Variants in PCDHGA9 observed in about 807,000 individuals in gnomAD.
PCDHGA9 encodes the protein protocadherin gamma subfamily A, 9.
A neutral mutation model predicts 62.5 loss-of-function variants in PCDHGA9; 37 were observed. That is an observed-to-expected ratio of 0.59 (90% CI 0.46 to 0.78). PCDHGA9 has a LOEUF of 0.78. Among genes scored for constraint, PCDHGA9 ranks in the 30% least tolerant of loss-of-function variants. The pLI is 0.00. For synonymous variants in PCDHGA9, 459 were observed against 484.6 expected (o/e 0.95, Z 0.69); for missense variants, 1,138 against 1,166.2 (o/e 0.98, Z 0.35).
intron 1 of PCDHGA9, among the ~76,000 whole-genome samples, chr5:141,492,869 A>G (rs975868829): frequency 6.6e-6 from 1 of 152,010 alleles, no homozygotes; most frequent in African/African-American, 2.4e-5. Context: ...CTGGCTCTCA[A>G]CCCCCAGAGA....
Position 141,458,657 on chromosome 5 carries a change from C to T in PCDHGA9, c.2425-36150C>T, listed in dbSNP as rs1214452360. On this transcript the variant is annotated intron_variant, in intron 1 of 3. Coordinates refer to ENST00000573521, the MANE Select transcript of PCDHGA9 (RefSeq NM_018921.3). ...CAATCCCAGCTCACTGCAACCTCCA[C>T]CTCTCGGGTTCAAGCAATTCTACTG... Among the ~76,000 whole-genome samples, 6 of 152,276 alleles carry T rather than the reference C, an allele frequency of 3.9e-5. No homozygotes were observed. In the East Asian group the frequency reaches 9.6e-4, roughly 24 times the overall value.
intron 1 of PCDHGA9, among the ~76,000 whole-genome samples, chr5:141,447,787 T>C (rs1025269338): frequency 1.3e-5 from 2 of 152,106 alleles, no homozygotes; most frequent in Non-Finnish European, 2.9e-5. Context: ...TGAAAATAAA[T>C]TTAAGAAAAT....
chr5:141,447,164 G>T (rs2098528799), intron 1 of PCDHGA9, among the ~76,000 whole-genome samples: 1 of 151,766 alleles, frequency 6.6e-6, no homozygotes, highest in South Asian at 2.1e-4. Context: ...GTTTAAGCGG[G>T]GTCTTGCTCT....
intron 1 of PCDHGA9, chr5:141,428,099 C>T: frequency 6.8e-6 from 11 of 1,608,710 alleles, no homozygotes; most frequent in East Asian, 2.2e-5. Context: ...TGTCCTACCA[C>T]GTGCTGCAGG....
intron 1 of PCDHGA9, among the ~76,000 whole-genome samples, chr5:141,474,185 C>A (rs1481544975): frequency 6.6e-6 from 1 of 152,180 alleles, no homozygotes; most frequent in Non-Finnish European, 1.5e-5. Flanking sequence ...AAACTACTTA[C>A]ATTTTTAAAA....
Position 141,419,652 on chromosome 5 carries a change from C to T in PCDHGA9, c.2424+14276C>T, listed in dbSNP as rs563445438. 15 of 1,612,592 alleles carry T rather than the reference C, an allele frequency of 9.3e-6. 1 individual carries two copies. In the Admixed American group the frequency reaches 1.3e-4, roughly 14 times the overall value. On this transcript the variant is annotated intron_variant, in intron 1 of 3. Transcript: ENST00000573521. ...AAGGTGGTGGCCGTGGACGCGGACT[C>T]GGGGCACAATGCCTGGCTGTCCTAC... is the stretch of plus-strand genomic sequence containing the variant.
chr5:141,491,109 A>G lies in PCDHGA9; in HGVS notation c.2425-3698A>G, dbSNP rs1039906987. 4.3e-6 allele frequency: 7 copies of G among 1,614,074 alleles called. No individual in the cohort carries two copies. The African/African-American group carries it at 9.3e-5, about 22-fold the overall frequency. ...CCCCAGGACTGTTCCTCGTGTCTAC[A>G]CACACTGGTGAGGTGCGCACAGCCC... On this transcript the variant is annotated intron_variant, in intron 1 of 3. Coordinates refer to ENST00000573521, the MANE Select transcript of PCDHGA9 (RefSeq NM_018921.3). The surrounding 1 kb of genome is among the most constrained non-coding windows in gnomAD (Gnocchi z 6.9).
At chr5:141,420,245 G>T (rs72790042) in intron 1 of PCDHGA9, 1 of 1,584,230 alleles carries the variant, frequency 6.3e-7, no homozygotes, top group East Asian at 2.2e-5. Flanking sequence ...AACTCCCAGC[G>T]TTGAAGCAGA....
chr5:141,465,454 T>A (rs1031876441), intron 1 of PCDHGA9, among the ~76,000 whole-genome samples: 1 of 152,184 alleles, frequency 6.6e-6, no homozygotes, highest in Non-Finnish European at 1.5e-5. Flanking sequence ...AAGAAAACTC[T>A]CACCAAATTG....
rs1218765657 is a variant in PCDHGA9, at chr5:141,402,801, G to C, written c.-152G>C. ...CCAGTTCTGCGGCTACACAAAACCC[G>C]GCAGATACCACAAACCTGCTCCCAG... On this transcript the variant is annotated 5_prime_UTR_variant, in exon 1 of 4. Transcript: ENST00000573521. 5.6e-6 allele frequency: 6 copies of C among 1,078,624 alleles called. No individual in the cohort carries two copies. Among genetic ancestry groups the C allele is most frequent in the Middle Eastern group, 3.2e-4 (1 of 3,160 alleles). The allele number at this position is 1,078,624 out of a possible 1,614,324, so 66.8% of individuals were successfully genotyped here. A position where few individuals can be genotyped will look rare whatever the true frequency, so the allele number is the denominator to read the frequency against.
Position 141,489,898 on chromosome 5 carries a change from C to T in PCDHGA9, c.2425-4909C>T. On this transcript the variant is annotated intron_variant, in intron 1 of 3. Transcript: ENST00000573521. The surrounding 1 kb of genome is among the most constrained non-coding windows in gnomAD (Gnocchi z 4.5). ...GCTTACTGCTGTGGATGGGGGGACC[C>T]CAGCCCGCTCAGGGACCACCCTTAT... 6.2e-7 allele frequency: 1 copy of T among 1,614,216 alleles called. No homozygotes were observed. Among genetic ancestry groups the T allele is most frequent in the Non-Finnish European group, 8.5e-7 (1 of 1,180,036 alleles).
At chr5:141,428,792 T>A (rs1590880161) in intron 1 of PCDHGA9, 1 of 152,978 alleles carries the variant, frequency 6.5e-6, no homozygotes, top group Middle Eastern at 3.4e-3. Flanking sequence ...TTCCTTTCTG[T>A]GTGGGCCAGT....
At chr5:141,462,896 A>G (rs1280422442) in intron 1 of PCDHGA9, among the ~76,000 whole-genome samples, 1 of 152,142 alleles carries the variant, frequency 6.6e-6, no homozygotes, top group African/African-American at 2.4e-5. Context: ...TTGTTTTGGA[A>G]GGCTATTATG....
chr5:141,421,838 A>G (rs2096604619), intron 1 of PCDHGA9: 1 of 1,613,764 alleles, frequency 6.2e-7, no homozygotes, highest in East Asian at 2.2e-5. Flanking sequence ...CTGGACCGAG[A>G]GAAAGAGGCT....
chr5:141,409,270 T>A (rs761773360), intron 1 of PCDHGA9: 6 of 1,613,996 alleles, frequency 3.7e-6, no homozygotes, highest in Non-Finnish European at 4.2e-6. Flanking sequence ...CTGATCAGAT[T>A]TTGGAGAATT....
Position 141,404,584 on chromosome 5 carries a change from C to T in PCDHGA9, c.1632C>T (p.Ser544=). The change falls in exon 1 of 4, where the codon AGC becomes AGT. Residue 544 remains serine (S), a synonymous_variant. Transcript: ENST00000573521. ...ASDSGSPPLS[S]NVSLRLFVLD... Reference sequence around the variant, plus strand: ...ACAGTGGAAGCCCACCACTTAGCAGCAATGTGTCATTGAGACTGTTTGTTT... The same window carrying T: ...ACAGTGGAAGCCCACCACTTAGCAGTAATGTGTCATTGAGACTGTTTGTTT... The T allele has an allele frequency of 6.2e-7, 1 of 1,613,980 alleles. No homozygotes were observed. The highest frequency in any genetic ancestry group is 8.5e-7 in the Non-Finnish European group (1 of 1,179,854).
At chr5:141,478,519 G>A in intron 1 of PCDHGA9, 2 of 1,610,728 alleles carry the variant, frequency 1.2e-6, no homozygotes, top group Non-Finnish European at 1.7e-6. Context: ...GGCAGGTGTT[G>A]GGTGCAGAGA....
chr5:141,482,126 A>G (rs1235540230), intron 1 of PCDHGA9, among the ~76,000 whole-genome samples: 1 of 152,004 alleles, frequency 6.6e-6, no homozygotes, highest in Non-Finnish European at 1.5e-5. Flanking sequence ...TGGGAGAATC[A>G]TATGGCTGGC....
intron 1 of PCDHGA9, among the ~76,000 whole-genome samples, chr5:141,456,877 C>T (rs910777736): frequency 2.0e-5 from 3 of 152,202 alleles, no homozygotes; most frequent in South Asian, 2.1e-4. Context: ...GCAGGAGAAT[C>T]GCTTGAACCC....
Sources: allele counts gnomAD v4.1 joint callset (sites outside exome capture counted in the v4.1 genomes callset), GRCh38; gene constraint gnomAD v4.1.1; non-coding constraint Gnocchi (gnomAD v3.1); transcripts MANE v1.5; gene names NCBI Gene and HGNC (gene_info 2026-07-23, HGNC 2026-07-21).